Variants in DCDC2 observed in about 807,000 individuals in gnomAD.
The protein encoded by DCDC2 is doublecortin domain containing 2, also known as doublecortin domain-containing protein 2.
In DCDC2, 40 loss-of-function variants were observed where a neutral mutation model predicts 50.2. The ratio of observed to expected loss-of-function variants is 0.80; its 90% CI spans 0.62 to 1.04. The LOEUF (loss-of-function observed/expected upper bound fraction) is 1.04. Among genes scored for constraint, DCDC2 ranks in the 50% least tolerant of loss-of-function variants. The pLI is 0.00. For synonymous variants in DCDC2, 234 were observed against 210.6 expected (o/e 1.11, Z -0.96); for missense variants, 570 against 581.9 (o/e 0.98, Z 0.21).
chr6:24,263,969 A>C (rs1763064528), intron 7 of DCDC2, among the ~76,000 whole-genome samples: 1 of 152,226 alleles, frequency 6.6e-6, no homozygotes, highest in Non-Finnish European at 1.5e-5. Context: ...GGATAAAGAA[A>C]ATGTCCTAAA....
At chr6:24,183,165 G>C (rs1165638732) in intron 8 of DCDC2, among the ~76,000 whole-genome samples, 1 of 152,118 alleles carries the variant, frequency 6.6e-6, no homozygotes, top group Non-Finnish European at 1.5e-5. Context: ...TTGTTTAATG[G>C]GTATGGAGTT....
chr6:24,259,227 A>T (rs978863717), intron 7 of DCDC2, among the ~76,000 whole-genome samples: 3 of 152,186 alleles, frequency 2.0e-5, no homozygotes, highest in Non-Finnish European at 4.4e-5. Context: ...TAAAAATTTC[A>T]AGTAGTCAGA....
At chr6:24,326,206 G>A (rs1336913381) in intron 2 of DCDC2, among the ~76,000 whole-genome samples, 3 of 144,254 alleles carry the variant, frequency 2.1e-5, no homozygotes, top group African/African-American at 7.5e-5. Context: ...AGGAAGGAAG[G>A]AAAGAATGAA....
chr6:24,284,370 G>A (rs999308896), intron 6 of DCDC2, among the ~76,000 whole-genome samples: 3 of 152,038 alleles, frequency 2.0e-5, no homozygotes, highest in Admixed American at 2.0e-4. Context: ...CACTTTGAGA[G>A]GCCGAGGCAG....
intron 7 of DCDC2, among the ~76,000 whole-genome samples, chr6:24,271,455 T>TCCTC (rs963067375): frequency 2.0e-5 from 3 of 151,950 alleles, no homozygotes; most frequent in African/African-American, 7.3e-5. Flanking sequence ...CCCAAACTAA[T>TCCTC]CCTCCTGCAG....
In DCDC2 at chr6:24,357,705, C is replaced by T; in HGVS notation, c.46G>A (p.Val16Met). The change falls in exon 1 of 10, where the codon GTG (valine) becomes ATG (methionine). Residue 16 changes from valine to methionine, a missense_variant. Transcript: ENST00000378454. ...ARSSHLSQPV[V>M]KSVLVYRNGD... Reference sequence around the variant, plus strand: ...TTGCGGTACACAAGCACGCTCTTCACGACGGGCTGAGACAGGTGGCTGGAC... The same window carrying T: ...TTGCGGTACACAAGCACGCTCTTCATGACGGGCTGAGACAGGTGGCTGGAC... 1 of 1,613,280 alleles carries T rather than the reference C, an allele frequency of 6.2e-7. No homozygotes were observed. Among genetic ancestry groups the T allele is most frequent in the Non-Finnish European group, 8.5e-7 (1 of 1,179,954 alleles).
chr6:24,303,672 C>T (rs1581641925), intron 2 of DCDC2, among the ~76,000 whole-genome samples: 1 of 152,296 alleles, frequency 6.6e-6, no homozygotes, highest in East Asian at 1.9e-4. Flanking sequence ...AAATAGGTAA[C>T]AGTTGTGCTA....
At chr6:24,227,855 A>G (rs954950938) in intron 7 of DCDC2, among the ~76,000 whole-genome samples, 18 of 152,212 alleles carry the variant, frequency 1.2e-4, no homozygotes, top group African/African-American at 3.9e-4. Context: ...CCAGGGGCTT[A>G]CCTCTCAGAA....
At chr6:24,285,527 T>G (rs1763583993) in intron 6 of DCDC2, among the ~76,000 whole-genome samples, 1 of 152,212 alleles carries the variant, frequency 6.6e-6, no homozygotes, top group African/African-American at 2.4e-5. Flanking sequence ...ATCAGATCTT[T>G]GCGCTCATTG....
At chr6:24,247,811 A>C (rs1389653630) in intron 7 of DCDC2, among the ~76,000 whole-genome samples, 1 of 152,204 alleles carries the variant, frequency 6.6e-6, no homozygotes, top group African/African-American at 2.4e-5. Flanking sequence ...GTGGTGGCTC[A>C]CGCCTTTAAT....
the DCDC2 span, among the ~76,000 whole-genome samples, chr6:24,369,133 C>CAAAAAAAAAAAAAAAAAAAA: frequency 2.2e-5 from 2 of 92,812 alleles, no homozygotes; most frequent in African/African-American, 9.7e-5. Context: ...GACTCTGTCT[C>CAAAAAAAAAAAAAAAAAAAA]AAAAAAAAAA....
intron 8 of DCDC2, 64 bp downstream of exon 8, chr6:24,204,938 C>A: frequency 9.4e-6 from 14 of 1,484,480 alleles, no homozygotes; most frequent in Non-Finnish European, 1.3e-5. Context: ...TAGGAGATAA[C>A]ACAAAACTTG....
intron 7 of DCDC2, among the ~76,000 whole-genome samples, chr6:24,211,533 G>A (rs1404275227): frequency 1.3e-5 from 2 of 152,204 alleles, no homozygotes; most frequent in Admixed American, 1.3e-4. Flanking sequence ...CTTGAGATGG[G>A]AAGAGAATTG....
intron 8 of DCDC2, among the ~76,000 whole-genome samples, chr6:24,187,079 A>AC (rs1761221038): frequency 6.6e-6 from 1 of 151,836 alleles, no homozygotes; most frequent in African/African-American, 2.4e-5. Context: ...ATATACTAAT[A>AC]CCTTCCCTCC....
intron 8 of DCDC2, among the ~76,000 whole-genome samples, chr6:24,187,742 C>T (rs979809568): frequency 7.9e-5 from 12 of 152,172 alleles, no homozygotes; most frequent in African/African-American, 2.9e-4. Context: ...AGATAAAAGT[C>T]AGCCTCATAT....
intron 7 of DCDC2, among the ~76,000 whole-genome samples, chr6:24,258,799 C>T (rs1325955203): frequency 6.6e-6 from 1 of 152,166 alleles, no homozygotes; most frequent in Non-Finnish European, 1.5e-5. Context: ...ACCAACCAAT[C>T]AGAGCTCACC....
intron 7 of DCDC2, among the ~76,000 whole-genome samples, chr6:24,257,749 A>T (rs557138031): frequency 6.6e-6 from 1 of 152,132 alleles, no homozygotes; most frequent in Admixed American, 6.5e-5. Context: ...ATTTCATCAG[A>T]AAAGTTTTGT....
chr6:24,236,581 A>C (rs2113787394), intron 7 of DCDC2, among the ~76,000 whole-genome samples: 1 of 152,350 alleles, frequency 6.6e-6, no homozygotes, highest in South Asian at 2.1e-4. Context: ...TGCACACCAA[A>C]GAAACTATCA....
At chr6:24,351,877 G>A (rs1017870974) in intron 2 of DCDC2, among the ~76,000 whole-genome samples, 3 of 152,142 alleles carry the variant, frequency 2.0e-5, no homozygotes, top group Non-Finnish European at 4.4e-5. Context: ...AGGCCAAGGC[G>A]GGCGGATCAT....
Sources: gnomAD v4.1 joint callset for allele counts (sites outside exome capture counted in the v4.1 genomes callset) on GRCh38, gnomAD v4.1.1 for gene constraint, MANE v1.5 for transcripts, NCBI Gene and HGNC (gene_info 2026-07-23, HGNC 2026-07-21) for gene names.